The following ADGRL2 variants were observed in gnomAD, a reference collection of about 807,000 sequenced individuals.
ADGRL2 encodes adhesion G protein-coupled receptor L2, also known as calcium-independent alpha-latrotoxin receptor 2.
ADGRL2 carries 44 observed loss-of-function variants against 157.4 expected under a neutral mutation model. The observed-to-expected ratio is 0.28, with a 90% CI of 0.22 to 0.36. ADGRL2 has a LOEUF of 0.36. Ranked by LOEUF, ADGRL2 falls within the 10% of genes least tolerant of loss-of-function variation. The pLI is 1.00. For missense variants in ADGRL2, 1,510 were observed against 1,768.9 expected, an observed-to-expected ratio of 0.85 and a Z score of 2.63; for synonymous variants, 585 against 624.7, an observed-to-expected ratio of 0.94 and a Z score of 0.95.
At chr1:81,736,664 T>G (rs949508350) in intron 1 of ADGRL2, among the ~76,000 whole-genome samples, 2 of 152,178 alleles carry the variant, frequency 1.3e-5, no homozygotes, top group Non-Finnish European at 2.9e-5. Flanking sequence ...GATTCCTGGC[T>G]TGCTTCTTTA....
chr1:81,706,231 A>T (rs2083731283), intron 1 of ADGRL2, among the ~76,000 whole-genome samples: 1 of 58,726 alleles, frequency 1.7e-5, no homozygotes, highest in Non-Finnish European at 3.5e-5. Flanking sequence ...ACAAAAAAAT[A>T]AAAAAATTTT....
Position 81,513,406 on chromosome 1 carries a change from A to G in ADGRL2, c.-247-67470A>G, listed in dbSNP as rs1015447701. On this transcript the variant is annotated intron_variant, in intron 2 of 24. Coordinates refer to the ADGRL2 transcript ENST00000370721. ...ATTTGAACCAAAATATATGAAATGT[A>G]GATACTAAGATATTAGAATAAAGGA... is the stretch of plus-strand genomic sequence containing the variant. Among the ~76,000 whole-genome samples, 3 of 152,206 alleles carry G rather than the reference A, an allele frequency of 2.0e-5. No individual in the cohort carries two copies. The East Asian group carries it at 5.8e-4, about 29-fold the overall frequency.
At chr1:81,410,257 A>G (rs541526149) in intron 1 of ADGRL2, among the ~76,000 whole-genome samples, 2 of 152,314 alleles carry the variant, frequency 1.3e-5, no homozygotes, top group East Asian at 3.9e-4. Context: ...CTACCTTTAA[A>G]AAGTAAAGAG....
chr1:81,600,036 T>G (rs932992865), intron 3 of ADGRL2, among the ~76,000 whole-genome samples: 4 of 152,230 alleles, frequency 2.6e-5, no homozygotes, highest in Non-Finnish European at 5.9e-5. Context: ...TTAAAACAAC[T>G]TGTATTTACA....
intron 2 of ADGRL2, among the ~76,000 whole-genome samples, chr1:81,854,420 T>C (rs189759337): frequency 6.6e-6 from 1 of 152,312 alleles, no homozygotes; most frequent in East Asian, 1.9e-4. Flanking sequence ...GCAGCAACTT[T>C]TGGTGTAACG....
In ADGRL2 at chr1:81,578,993, C is replaced by T. The variant is rs564246905; in HGVS notation, c.-247-1883C>T. 9.8e-5 allele frequency among the ~76,000 whole-genome samples: 15 copies of T among 152,286 alleles called. No individual in the cohort carries two copies. The South Asian group carries it at 2.7e-3, about 27-fold the overall frequency. On this transcript the variant is annotated intron_variant, in intron 2 of 24. Coordinates refer to the ADGRL2 transcript ENST00000370721. The stretch of plus-strand genomic sequence containing the variant: ...AATGCCAAGGATGCTTTTCCCCAAA[C>T]ACTCATTCCCTGCTCAGAACAGTGT...
chr1:81,730,173 G>T (rs1466827119), intron 1 of ADGRL2, among the ~76,000 whole-genome samples: 1 of 152,112 alleles, frequency 6.6e-6, no homozygotes, highest in Non-Finnish European at 1.5e-5. Context: ...CATCCTTGAA[G>T]AATTCCACTT....
At chr1:81,786,813 A>G (rs770288339) in intron 2 of ADGRL2, among the ~76,000 whole-genome samples, 13 of 152,208 alleles carry the variant, frequency 8.5e-5, no homozygotes, top group Non-Finnish European at 1.9e-4. Context: ...AACTACATCT[A>G]TTAAACTGTA....
At chr1:81,622,318 C>T (rs1266368394) in intron 3 of ADGRL2, among the ~76,000 whole-genome samples, 1 of 152,170 alleles carries the variant, frequency 6.6e-6, no homozygotes, top group African/African-American at 2.4e-5. Flanking sequence ...CACGGTAGCT[C>T]ATGCCTGTAA....
At chr1:81,514,238 A>G (rs1156682773) in intron 2 of ADGRL2, among the ~76,000 whole-genome samples, 1 of 152,114 alleles carries the variant, frequency 6.6e-6, no homozygotes, top group Non-Finnish European at 1.5e-5. Flanking sequence ...ATTGCATATT[A>G]TGTTTGTTTA....
Position 81,943,462 on chromosome 1 carries a change from A to G in ADGRL2, c.903A>G (p.Arg301=). The G allele has an allele frequency of 1.2e-6, 2 of 1,613,752 alleles. No individual in the cohort carries two copies. Among genetic ancestry groups the G allele is most frequent in the East Asian group, 2.2e-5 (1 of 44,862 alleles). Residue 301 remains arginine, a synonymous_variant, in exon 6 of 24, where the codon CGA becomes CGG. Transcript: ENST00000686636. The surrounding 1 kb of genome is among the most constrained non-coding windows in gnomAD (Gnocchi z 5.6). ...GCCAGCTGAATCCATACACTCTTCGATTTGAAGCAACGTGGGAGACTGTAT... is the reference window on the plus strand; with the variant it reads ...GCCAGCTGAATCCATACACTCTTCGGTTTGAAGCAACGTGGGAGACTGTAT... ...VISQLNPYTL[R]FEATWETVYD...
At chr1:81,518,488 A>G (rs142503796) in intron 2 of ADGRL2, among the ~76,000 whole-genome samples, 3 of 152,338 alleles carry the variant, frequency 2.0e-5, no homozygotes, top group Admixed American at 6.5e-5. Flanking sequence ...ATTGTTGGCT[A>G]TGCAGGCTAC....
At chr1:81,829,845 A>G (rs6677062) in intron 1 of ADGRL2, among the ~76,000 whole-genome samples, 7,229 of 152,236 alleles carry the variant, frequency 0.047, 509 homozygotes, top group African/African-American at 0.15. Context: ...ACCCTTATAT[A>G]GTTGCTGAAC....
intron 1 of ADGRL2, among the ~76,000 whole-genome samples, chr1:81,731,320 G>A (rs2084716287): frequency 6.6e-6 from 1 of 151,858 alleles, no homozygotes; most frequent in African/African-American, 2.4e-5. Flanking sequence ...AATTCCATTA[G>A]GCTTTTTAAA....
At chr1:81,587,400 T>G (rs1370362629) in intron 3 of ADGRL2, among the ~76,000 whole-genome samples, 1 of 152,074 alleles carries the variant, frequency 6.6e-6, no homozygotes, top group African/African-American at 2.4e-5. Context: ...AAGCTGCATC[T>G]TAAAGTATAA....
chr1:81,860,084 C>T (rs975811113), intron 2 of ADGRL2, among the ~76,000 whole-genome samples: 4 of 151,776 alleles, frequency 2.6e-5, no homozygotes, highest in Admixed American at 6.6e-5. Context: ...ATTAGCTGGG[C>T]GTAATGGCAG....
In ADGRL2 at chr1:81,356,997, A is replaced by T. The variant is rs540186128; in HGVS notation, c.-302+50488A>T. On this transcript the variant is annotated intron_variant, in intron 1 of 24. Transcript: ENST00000370721. ...AAGAAGTTGTTTCCTTTTAAAGCTC[A>T]TTAAGAATCACACATTTCCCTTTAT... Among the ~76,000 whole-genome samples, 8 of 145,588 alleles carry T rather than the reference A, an allele frequency of 5.5e-5. No homozygotes were observed. In the South Asian group the frequency reaches 1.8e-3, roughly 33 times the overall value.
intron 2 of ADGRL2, among the ~76,000 whole-genome samples, chr1:81,547,547 G>C (rs2080048376): frequency 6.6e-6 from 1 of 152,114 alleles, no homozygotes; most frequent in South Asian, 2.1e-4. Context: ...TTTAAGACTC[G>C]CTAGTATTGT....
intron 6 of ADGRL2, among the ~76,000 whole-genome samples, chr1:81,945,868 TTCTCTCTC>T (rs3838455): frequency 2.0e-5 from 3 of 150,238 alleles, no homozygotes; most frequent in African/African-American, 4.9e-5. Flanking sequence ...CCCATATTCA[TTCTCTCTC>T]TCTCTCTCTC....
Sources: gnomAD v4.1 joint callset for allele counts (sites outside exome capture counted in the v4.1 genomes callset) on GRCh38, gnomAD v4.1.1 for gene constraint, Gnocchi (gnomAD v3.1) non-coding constraint, MANE v1.5 for transcripts, NCBI Gene and HGNC (gene_info 2026-07-23, HGNC 2026-07-21) for gene names.